PHACTR1: variants seen among roughly 807,000 people sequenced by gnomAD.
PHACTR1 encodes the protein RPEL repeat containing 1.
In PHACTR1, 16 loss-of-function variants were observed where a neutral mutation model predicts 69.2. That is an observed-to-expected ratio of 0.23 (90% CI 0.16 to 0.35). PHACTR1 has a LOEUF of 0.35. Ranked by LOEUF, PHACTR1 falls within the 10% of genes least tolerant of loss-of-function variation. PHACTR1 has a pLI of 1.00. For synonymous variants in PHACTR1, 312 were observed against 284.5 expected, an observed-to-expected ratio of 1.10 and a Z score of -0.97; for missense variants, 510 against 734.7, an observed-to-expected ratio of 0.69 and a Z score of 3.54.
rs557866945 is a variant in PHACTR1, at chr6:13,087,368, G to A, written c.415+33839G>A. ...AATAAAGCTCCTTAATCATTTTATT[G>A]TATAACCATGATACCAAAGCACATA... On this transcript the variant is annotated intron_variant, in intron 5 of 14. Transcript: ENST00000332995. Among the ~76,000 whole-genome samples, 150 of 151,454 alleles carry A rather than the reference G, an allele frequency of 9.9e-4. 1 individual carries two copies. The highest frequency in any genetic ancestry group is 3.1e-3 in the African/African-American group (128 of 41,388).
intron 4 of PHACTR1, among the ~76,000 whole-genome samples, chr6:12,803,011 C>T (rs1320315611): frequency 1.3e-5 from 2 of 152,176 alleles, no homozygotes; most frequent in African/African-American, 4.8e-5. Context: ...GAGCCACCTT[C>T]CATGATATGA....
intron 4 of PHACTR1, among the ~76,000 whole-genome samples, chr6:12,883,438 C>T (rs1027741340): frequency 6.6e-6 from 1 of 151,888 alleles, no homozygotes; most frequent in African/African-American, 2.4e-5. Context: ...AGGTCTCGAA[C>T]TCCTGACCCC....
At chr6:13,125,387 T>C (rs1326553070) in intron 5 of PHACTR1, among the ~76,000 whole-genome samples, 2 of 152,138 alleles carry the variant, frequency 1.3e-5, no homozygotes, top group African/African-American at 2.4e-5. Flanking sequence ...TGTATGTAGC[T>C]TGATTTTATC....
chr6:13,231,880 G>C (rs1252721052), intron 10 of PHACTR1, among the ~76,000 whole-genome samples: 1 of 152,150 alleles, frequency 6.6e-6, no homozygotes, highest in Non-Finnish European at 1.5e-5. Context: ...TTACAGATGA[G>C]AATACCAGGC....
intron 5 of PHACTR1, among the ~76,000 whole-genome samples, chr6:13,087,783 C>CTATA (rs1237582571): frequency 2.5e-4 from 38 of 151,544 alleles, no homozygotes; most frequent in Admixed American, 2.5e-3. Context: ...GTAGCTGGGA[C>CTATA]TATAGGTGCA....
intron 5 of PHACTR1, among the ~76,000 whole-genome samples, chr6:13,095,990 T>C (rs1030831314): frequency 2.0e-5 from 3 of 152,136 alleles, no homozygotes; most frequent in African/African-American, 4.8e-5. Context: ...CTGTGTGCTT[T>C]CCAGTAGTTA....
At chr6:12,797,835 G>A (rs1040252409) in intron 4 of PHACTR1, among the ~76,000 whole-genome samples, 1 of 152,074 alleles carries the variant, frequency 6.6e-6, no homozygotes, top group East Asian at 1.9e-4. Context: ...ACAGGAGTTG[G>A]AGTTGCTTCT....
intron 4 of PHACTR1, chr6:12,934,096 C>T: frequency 3.0e-6 from 3 of 1,014,190 alleles, no homozygotes; most frequent in Non-Finnish European, 2.7e-6. Flanking sequence ...TAGGGAAGAA[C>T]CTTCTTGTGT....
At chr6:12,758,473 A>G (rs1767629567) in intron 4 of PHACTR1, among the ~76,000 whole-genome samples, 1 of 151,734 alleles carries the variant, frequency 6.6e-6, no homozygotes, top group Admixed American at 6.6e-5. Context: ...TTCTAAAAAA[A>G]AAAAAAAAAA....
intron 5 of PHACTR1, among the ~76,000 whole-genome samples, chr6:13,055,707 G>A (rs968648448): frequency 2.6e-5 from 4 of 152,240 alleles, no homozygotes; most frequent in Admixed American, 2.6e-4. Context: ...AGGCCACAAG[G>A]CAAAGCCCTG....
At chr6:12,932,985 G>A (rs577405786) in intron 4 of PHACTR1, among the ~76,000 whole-genome samples, 2 of 148,454 alleles carry the variant, frequency 1.3e-5, no homozygotes, top group African/African-American at 5.0e-5. Flanking sequence ...ATGTAAGTTG[G>A]AGTGCAGTGG....
At chr6:13,063,958 A>T (rs1342137324) in intron 5 of PHACTR1, among the ~76,000 whole-genome samples, 1 of 152,174 alleles carries the variant, frequency 6.6e-6, no homozygotes, top group Non-Finnish European at 1.5e-5. Context: ...GCATTTTAGA[A>T]AGATTATTCT....
chr6:13,276,959 C>T (rs1195243085), intron 11 of PHACTR1, among the ~76,000 whole-genome samples: 1 of 152,126 alleles, frequency 6.6e-6, no homozygotes, highest in Admixed American at 6.5e-5. Flanking sequence ...TCGTGATGCA[C>T]CCTATGCCAA....
intron 4 of PHACTR1, among the ~76,000 whole-genome samples, chr6:12,796,090 G>A (rs1008067311): frequency 6.6e-6 from 1 of 152,092 alleles, no homozygotes; most frequent in Admixed American, 6.6e-5. Context: ...AGGTTAAGTT[G>A]AAAAGACTTG....
intron 5 of PHACTR1, among the ~76,000 whole-genome samples, chr6:13,056,075 AGATG>A (rs1806737042): frequency 1.3e-5 from 2 of 152,240 alleles, no homozygotes; most frequent in Non-Finnish European, 2.9e-5. Flanking sequence ...ATATCATGAT[AGATG>A]GATGGGTGCA....
At chr6:12,929,750 C>T (rs755917379) in intron 4 of PHACTR1, among the ~76,000 whole-genome samples, 1 of 152,196 alleles carries the variant, frequency 6.6e-6, no homozygotes, top group Non-Finnish European at 1.5e-5. Flanking sequence ...CACCCAGCAT[C>T]CCTAGATAAT....
intron 10 of PHACTR1, among the ~76,000 whole-genome samples, chr6:13,242,469 C>T (rs1772993509): frequency 6.6e-6 from 1 of 152,164 alleles, no homozygotes; most frequent in Admixed American, 6.5e-5. Flanking sequence ...AGACTTTCCA[C>T]AATTAGCAGT....
chr6:12,856,172 CTCAT>C (rs1407236589), intron 4 of PHACTR1, among the ~76,000 whole-genome samples: 1 of 152,122 alleles, frequency 6.6e-6, no homozygotes, highest in Non-Finnish European at 1.5e-5. Context: ...GTCCATTCAA[CTCAT>C]TAAGTCACTG....
In PHACTR1 at chr6:13,245,862, C is replaced by T. The variant is rs184776565; in HGVS notation, c.1391+15669C>T. On this transcript the variant is annotated intron_variant, in intron 10 of 14. Transcript: ENST00000332995. This position sits in a 1 kb window ranked among gnomAD's most constrained non-coding sequence, Gnocchi z 4.1. ...GAGCAGGTCCAGTTTCAATCCCCTG[C>T]ATATAGCTAGCCAGTTATCCCAGTT... Among the ~76,000 whole-genome samples, 1 of 152,320 alleles carries T rather than the reference C, an allele frequency of 6.6e-6. No individual in the cohort carries two copies. Among genetic ancestry groups the T allele is most frequent in the Admixed American group, 6.5e-5 (1 of 15,306 alleles).
Sources: gnomAD v4.1 joint callset for allele counts (sites outside exome capture counted in the v4.1 genomes callset) on GRCh38, gnomAD v4.1.1 for gene constraint, Gnocchi (gnomAD v3.1) non-coding constraint, MANE v1.5 for transcripts, NCBI Gene and HGNC (gene_info 2026-07-23, HGNC 2026-07-21) for gene names.